Variants in RASGEF1C observed in about 807,000 individuals in gnomAD.
The protein encoded by RASGEF1C is ras-GEF domain-containing family member 1C.
Under a neutral mutation model 58.1 loss-of-function variants are expected in RASGEF1C, and 27 were observed. That is an observed-to-expected ratio of 0.46 (90% CI 0.34 to 0.64). The LOEUF (loss-of-function observed/expected upper bound fraction) is 0.64. Among genes scored for constraint, RASGEF1C ranks in the 30% least tolerant of loss-of-function variants. The pLI, the probability that RASGEF1C is intolerant of heterozygous loss-of-function variation, is 0.01. For missense variants in RASGEF1C, 502 were observed against 605.1 expected, an observed-to-expected ratio of 0.83 and a Z score of 1.79; for synonymous variants, 243 against 246.3, an observed-to-expected ratio of 0.99 and a Z score of 0.13.
At chr5:180,181,473 G>A (rs1767324112) in intron 1 of RASGEF1C, among the ~76,000 whole-genome samples, 1 of 152,136 alleles carries the variant, frequency 6.6e-6, no homozygotes, top group South Asian at 2.1e-4. Flanking sequence ...GGCCACACTG[G>A]AGTGGAGTGG....
intron 1 of RASGEF1C, among the ~76,000 whole-genome samples, chr5:180,169,813 C>T (rs1244844910): frequency 4.4e-5 from 2 of 45,318 alleles, no homozygotes; most frequent in African/African-American, 9.9e-5. Flanking sequence ...GCTCCAAGCC[C>T]GCCTCTCTGG....
At position 180,158,593 on chromosome 5, in the gene RASGEF1C, A is replaced by T. The variant is rs1011767941; in HGVS notation, c.-6-20535T>A. ...CTTTGTTCCCGTAGGGTGACCTGTC[A>T]TGCTGGTTTGCCTGGGACTGTCCTA... On this transcript the variant is annotated intron_variant, in intron 1 of 13. Transcript: ENST00000361132. The surrounding 1 kb of genome is among the most constrained non-coding windows in gnomAD (Gnocchi z 4.0). Among the ~76,000 whole-genome samples the T allele has an allele frequency of 2.0e-5, 3 of 152,314 alleles. No homozygotes were observed. Among genetic ancestry groups the T allele is most frequent in the Non-Finnish European group, 4.4e-5 (3 of 68,030 alleles).
chr5:180,133,057 G>A (rs958599712), intron 4 of RASGEF1C, among the ~76,000 whole-genome samples: 1 of 151,796 alleles, frequency 6.6e-6, no homozygotes, highest in African/African-American at 2.4e-5. Context: ...CAGTGGGTAT[G>A]GCCAGAGCAC....
At chr5:180,193,723 T>C (rs79300586) in intron 1 of RASGEF1C, among the ~76,000 whole-genome samples, 2,029 of 152,332 alleles carry the variant, frequency 0.013, 84 homozygotes, top group Admixed American at 0.088. Context: ...ACAAACCAAC[T>C]GTAAAAAGAT....
chr5:180,109,407 G>A (rs999125954), intron 12 of RASGEF1C, among the ~76,000 whole-genome samples: 2 of 152,236 alleles, frequency 1.3e-5, no homozygotes, highest in Non-Finnish European at 2.9e-5. Flanking sequence ...GCAGTGAGCC[G>A]AGATTGCGCC....
chr5:180,128,749 G>A, intron 4 of RASGEF1C, 139 bp from the exon 5 acceptor site: 1 of 867,412 alleles, frequency 1.2e-6, no homozygotes, highest in Non-Finnish European at 1.8e-6. Context: ...TACCAGCGCA[G>A]GGGCCAGGAC....
rs1296299473 is a variant in RASGEF1C at position 180,177,603 on chromosome 5, C to T, written c.-7+31425G>A. 2.6e-5 allele frequency among the ~76,000 whole-genome samples: 4 copies of T among 152,104 alleles called. No individual in the cohort carries two copies. Among genetic ancestry groups the T allele is most frequent in the African/African-American group, 4.8e-5 (2 of 41,358 alleles). ...AGCCCATTTGTCCTTCCTCTCCTGC[C>T]CGTGGTAGGAGGACATGGCCCTGGT... On this transcript the variant is annotated intron_variant, in intron 1 of 13. Coordinates refer to ENST00000361132, the MANE Select transcript of RASGEF1C (RefSeq NM_175062.4). The surrounding 1 kb of genome is among the most constrained non-coding windows in gnomAD (Gnocchi z 5.0).
chr5:180,171,918 C>T (rs957202239), intron 1 of RASGEF1C, among the ~76,000 whole-genome samples: 5 of 152,090 alleles, frequency 3.3e-5, no homozygotes, highest in Admixed American at 6.5e-5. Flanking sequence ...CCTCAGCTGT[C>T]GGACCTCAGC....
chr5:180,152,683 T>C (rs1379267730), intron 1 of RASGEF1C, among the ~76,000 whole-genome samples: 1 of 150,666 alleles, frequency 6.6e-6, no homozygotes, highest in African/African-American at 2.5e-5. Context: ...CTGCACGTTA[T>C]GCACATGTAC....
chr5:180,189,753 C>A (rs1386750737), intron 1 of RASGEF1C, among the ~76,000 whole-genome samples: 2 of 151,540 alleles, frequency 1.3e-5, no homozygotes, highest in African/African-American at 4.8e-5. Context: ...GAAACCCCAT[C>A]TCTACTGAAA....
chr5:180,190,489 C>CAAAAA (rs869186264), intron 1 of RASGEF1C, among the ~76,000 whole-genome samples: 129 of 77,546 alleles, frequency 1.7e-3, no homozygotes, highest in African/African-American at 5.4e-3. Context: ...GACTCCGTCT[C>CAAAAA]AAAAAAAAAA....
chr5:180,120,751 G>A (rs867410746), intron 7 of RASGEF1C, among the ~76,000 whole-genome samples: 28 of 152,210 alleles, frequency 1.8e-4, no homozygotes, highest in African/African-American at 6.8e-4. Context: ...GCTGCCCAAG[G>A]CAGGCCGGCA....
Position 180,120,084 on chromosome 5 carries a change from C to A in RASGEF1C, c.805-636G>T, listed in dbSNP as rs551613080. On this transcript the variant is annotated intron_variant, in intron 7 of 13. Coordinates refer to ENST00000361132, the MANE Select transcript of RASGEF1C (RefSeq NM_175062.4). ...CGTGAGGGTAGGAAGTGGGCTGGGCCGGTGGGGCCCGCGTTGCATTCTTTC... is the reference window on the plus strand; with the variant it reads ...CGTGAGGGTAGGAAGTGGGCTGGGCAGGTGGGGCCCGCGTTGCATTCTTTC... Among the ~76,000 whole-genome samples the A allele has an allele frequency of 3.9e-5, 6 of 152,318 alleles. No homozygotes were observed. The South Asian group carries it at 1.2e-3, about 32-fold the overall frequency.
intron 1 of RASGEF1C, among the ~76,000 whole-genome samples, chr5:180,183,761 G>A (rs1357356574): frequency 6.6e-6 from 1 of 152,012 alleles, no homozygotes; most frequent in African/African-American, 2.4e-5. Flanking sequence ...GGCAGAGGTT[G>A]CAGTGAGCCA....
At chr5:180,119,289 T>C (rs1582265372) in intron 8 of RASGEF1C, 57 bp downstream of exon 8, 1 of 1,427,934 alleles carries the variant, frequency 7.0e-7, no homozygotes, top group Non-Finnish European at 9.9e-7. Context: ...CTGCACCCAC[T>C]CCGGCCTCTC....
intron 1 of RASGEF1C, among the ~76,000 whole-genome samples, chr5:180,191,202 GTTCAACCACA>G (rs1371013860): frequency 1.3e-5 from 2 of 152,146 alleles, no homozygotes; most frequent in Admixed American, 1.3e-4. Flanking sequence ...AAATGTACTG[GTTCAACCACA>G]TTGGAATAGA....
At chr5:180,203,070 A>T (rs1756424899) in intron 1 of RASGEF1C, among the ~76,000 whole-genome samples, 1 of 152,158 alleles carries the variant, frequency 6.6e-6, no homozygotes, top group Non-Finnish European at 1.5e-5. Flanking sequence ...GTGACTGGGA[A>T]AACTTTGGCA....
At chr5:180,187,481 A>G (rs1327364798) in intron 1 of RASGEF1C, among the ~76,000 whole-genome samples, 1 of 152,176 alleles carries the variant, frequency 6.6e-6, no homozygotes, top group East Asian at 1.9e-4. Context: ...AAACTACAAA[A>G]TGGGAGAAAA....
chr5:180,174,500 CTG>C (rs944151115), intron 1 of RASGEF1C, among the ~76,000 whole-genome samples: 8 of 105,022 alleles, frequency 7.6e-5, no homozygotes, highest in South Asian at 3.2e-4. Flanking sequence ...GCGTGTGTGT[CTG>C]TGTGTGCGTG....
Sources: allele counts gnomAD v4.1 joint callset (sites outside exome capture counted in the v4.1 genomes callset), GRCh38; gene constraint gnomAD v4.1.1; non-coding constraint Gnocchi (gnomAD v3.1); transcripts MANE v1.5; gene names NCBI Gene and HGNC (gene_info 2026-07-23, HGNC 2026-07-21).